The following SEMA5A variants were observed in gnomAD, a reference collection of about 807,000 sequenced individuals.
The protein encoded by SEMA5A is semaphorin-5A.
A neutral mutation model predicts 135.5 loss-of-function variants in SEMA5A; 55 were observed. The ratio of observed to expected loss-of-function variants is 0.41; its 90% confidence interval spans 0.33 to 0.51. SEMA5A has a LOEUF of 0.51. Among genes scored for constraint, SEMA5A ranks in the 20% least tolerant of loss-of-function variants. SEMA5A has a pLI of 0.37. For synonymous variants in SEMA5A, 580 were observed against 546.5 expected, an observed-to-expected ratio of 1.06 and a Z score of -0.85; for missense variants, 1,290 against 1,419.9, an observed-to-expected ratio of 0.91 and a Z score of 1.47.
chr5:9,497,156 G>A (rs189202496), intron 1 of SEMA5A, among the ~76,000 whole-genome samples: 239 of 152,230 alleles, frequency 1.6e-3, no homozygotes, highest in African/African-American at 5.3e-3. Context: ...AGAAACACTT[G>A]GGAGCTAGTG....
chr5:9,135,551 T>C (rs1358558655), intron 13 of SEMA5A, among the ~76,000 whole-genome samples: 1 of 152,028 alleles, frequency 6.6e-6, no homozygotes, highest in Non-Finnish European at 1.5e-5. Flanking sequence ...AAGGGTAAGT[T>C]CTTTGGTGGG....
intron 5 of SEMA5A, among the ~76,000 whole-genome samples, chr5:9,277,143 A>T (rs944981607): frequency 6.6e-6 from 1 of 152,242 alleles, no homozygotes. Context: ...CCCATCAAAA[A>T]GTGGGCAAAG....
At chr5:9,463,454 T>C (rs939684252) in intron 1 of SEMA5A, among the ~76,000 whole-genome samples, 6 of 152,164 alleles carry the variant, frequency 3.9e-5, no homozygotes, top group African/African-American at 1.2e-4. Flanking sequence ...TAGTTTTTTT[T>C]TTATTTTTCT....
At chr5:9,168,686 C>T (rs1743747975) in intron 11 of SEMA5A, among the ~76,000 whole-genome samples, 1 of 152,204 alleles carries the variant, frequency 6.6e-6, no homozygotes, top group Non-Finnish European at 1.5e-5. Context: ...CAATTTAATG[C>T]ATGATAAATA....
Position 9,401,452 on chromosome 5 carries a change from G to A in SEMA5A, c.-77-21429C>T, listed in dbSNP as rs879620587. Among the ~76,000 whole-genome samples, 8 of 152,108 alleles carry A rather than the reference G, an allele frequency of 5.3e-5. No individual in the cohort carries two copies. In the East Asian group the frequency reaches 5.8e-4, roughly 11 times the overall value. On this transcript the variant is annotated intron_variant, in intron 2 of 22. Coordinates refer to ENST00000382496, the MANE Select transcript of SEMA5A (RefSeq NM_003966.3). ...TCCCAAAGGCCATATGTGCCACCTC[G>A]TAATGTGAGGCCTCAATCTTATGAC... is the stretch of plus-strand genomic sequence containing the variant.
At position 9,197,652 on chromosome 5, in the gene SEMA5A, G is replaced by A. The variant is rs185940902; in HGVS notation, c.933-349C>T. 5.7e-3 allele frequency among the ~76,000 whole-genome samples: 870 copies of A among 151,788 alleles called. 4 individuals carry two copies. The highest frequency in any genetic ancestry group is 8.7e-3 in the Non-Finnish European group (590 of 67,958). On this transcript the variant is annotated intron_variant, in intron 9 of 22. Transcript: ENST00000382496. Reference sequence around the variant, plus strand: ...AAGACTTCCTTCTCCAACGGATGGCGTCTCTCATCAGCCTCATGCAGTTCC... The same window carrying A: ...AAGACTTCCTTCTCCAACGGATGGCATCTCTCATCAGCCTCATGCAGTTCC...
intron 13 of SEMA5A, among the ~76,000 whole-genome samples, chr5:9,131,546 T>C (rs1741417206): frequency 7.6e-6 from 1 of 132,386 alleles, no homozygotes; most frequent in Non-Finnish European, 1.5e-5. Flanking sequence ...AGGTGGAAGC[T>C]GCAATGAGCT....
At position 9,442,280 on chromosome 5, in the gene SEMA5A, T is replaced by C. The variant is rs567870950; in HGVS notation, c.-174-4428A>G. Among the ~76,000 whole-genome samples, 15 of 152,310 alleles carry C rather than the reference T, an allele frequency of 9.8e-5. No individual in the cohort carries two copies. The South Asian group carries it at 3.1e-3, about 32-fold the overall frequency. On this transcript the variant is annotated intron_variant, in intron 1 of 22. Coordinates refer to ENST00000382496, the MANE Select transcript of SEMA5A (RefSeq NM_003966.3). ...CTGGCCATGTCTATGTGGTCAATTC[T>C]CAATAAAAACTCAGGACACCAAGGC...
At chr5:9,457,075 T>A (rs542231525) in intron 1 of SEMA5A, among the ~76,000 whole-genome samples, 2 of 152,214 alleles carry the variant, frequency 1.3e-5, no homozygotes, top group Non-Finnish European at 2.9e-5. Flanking sequence ...AGCCCAAATA[T>A]GTATCTATTT....
intron 3 of SEMA5A, among the ~76,000 whole-genome samples, chr5:9,353,155 A>AGGAAAGGAAAGGAAAGGAAAGGAG (rs1754239883): frequency 1.3e-5 from 1 of 78,122 alleles, no homozygotes; most frequent in Non-Finnish European, 2.6e-5. Flanking sequence ...AGGAAAGGAA[A>AGGAAAGGAAAGGAAAGGAAAGGAG]GGAAAGGAGG....
intron 2 of SEMA5A, among the ~76,000 whole-genome samples, chr5:9,429,804 AAGAT>A (rs1161013472): frequency 6.6e-6 from 1 of 152,194 alleles, no homozygotes; most frequent in Middle Eastern, 3.2e-3. Flanking sequence ...TTGGGAGAGA[AAGAT>A]AGATAGAGAA....
At chr5:9,058,801 A>C (rs576213212) in intron 18 of SEMA5A, among the ~76,000 whole-genome samples, 78 of 152,306 alleles carry the variant, frequency 5.1e-4, no homozygotes, top group South Asian at 2.5e-3. Flanking sequence ...TCTCCAGCAT[A>C]CTGAGGTCTG....
At chr5:9,086,411 G>T (rs1431401831) in intron 16 of SEMA5A, among the ~76,000 whole-genome samples, 2 of 152,042 alleles carry the variant, frequency 1.3e-5, no homozygotes, top group African/African-American at 4.8e-5. Context: ...TTCCTGTGCT[G>T]TTCTCATGAT....
intron 5 of SEMA5A, among the ~76,000 whole-genome samples, chr5:9,248,139 G>C (rs1748571605): frequency 6.6e-6 from 1 of 152,032 alleles, no homozygotes; most frequent in Admixed American, 6.6e-5. Flanking sequence ...TAAGATGTTT[G>C]ATAAGAGCTC....
At chr5:9,214,163 G>A (rs1286807204) in intron 8 of SEMA5A, among the ~76,000 whole-genome samples, 10 of 152,170 alleles carry the variant, frequency 6.6e-5, no homozygotes, top group Admixed American at 2.0e-4. Flanking sequence ...ATGCGCCCCC[G>A]AAACTGCACA....
intron 16 of SEMA5A, among the ~76,000 whole-genome samples, chr5:9,098,618 A>C (rs995677939): frequency 1.3e-5 from 2 of 152,248 alleles, no homozygotes; most frequent in African/African-American, 4.8e-5. Flanking sequence ...CTGACATTTA[A>C]AAAACCAGAG....
intron 1 of SEMA5A, among the ~76,000 whole-genome samples, chr5:9,480,312 GT>G (rs1224076952): frequency 1.3e-5 from 2 of 152,178 alleles, no homozygotes; most frequent in Non-Finnish European, 2.9e-5. Flanking sequence ...ATCCAAAGCT[GT>G]TTTGAAGGCT....
intron 1 of SEMA5A, among the ~76,000 whole-genome samples, chr5:9,452,931 C>A (rs571895416): frequency 6.6e-6 from 1 of 152,264 alleles, no homozygotes; most frequent in Admixed American, 6.5e-5. Flanking sequence ...AGAGGTGCCT[C>A]AGAGGGAAAA....
intron 16 of SEMA5A, among the ~76,000 whole-genome samples, chr5:9,074,475 A>T (rs754989856): frequency 1.1e-4 from 16 of 150,482 alleles, no homozygotes; most frequent in Non-Finnish European, 2.1e-4. Context: ...TCCATAAAAT[A>T]AAAAAAACAA....
Sources: gnomAD v4.1 joint callset for allele counts (sites outside exome capture counted in the v4.1 genomes callset) on GRCh38, gnomAD v4.1.1 for gene constraint, MANE v1.5 for transcripts, NCBI Gene and HGNC (gene_info 2026-07-23, HGNC 2026-07-21) for gene names.